Variants in COPB1 observed in about 807,000 individuals in gnomAD.
The protein encoded by COPB1 is coatomer subunit beta.
In COPB1, 21 loss-of-function variants were observed where a neutral mutation model predicts 108.7. The observed-to-expected ratio is 0.19, with a 90% CI of 0.14 to 0.28. COPB1 has a LOEUF of 0.28. COPB1 is among the 10% of genes least tolerant of loss of function. The probability of loss-of-function intolerance (pLI) is 1.00; values close to 1 mark genes in which losing one functional copy is unlikely to be tolerated. For missense variants in COPB1, 919 were observed against 1,141.3 expected (o/e 0.81, Z 2.81); for synonymous variants, 378 against 386.8 (o/e 0.98, Z 0.27).
intron 16 of COPB1, among the ~76,000 whole-genome samples, chr11:14,468,376 C>T (rs554301830): frequency 1.3e-5 from 2 of 152,284 alleles, no homozygotes; most frequent in African/African-American, 4.8e-5. Flanking sequence ...GAGGCCAGGG[C>T]TGTTGCCTGT....
chr11:14,488,979 T>G (rs1850835694), intron 5 of COPB1, among the ~76,000 whole-genome samples: 1 of 152,166 alleles, frequency 6.6e-6, no homozygotes, highest in African/African-American at 2.4e-5. Context: ...AGAACTACAA[T>G]GCTGAAAACA....
intron 15 of COPB1, among the ~76,000 whole-genome samples, chr11:14,469,112 A>C (rs1850349429): frequency 6.6e-6 from 1 of 152,106 alleles, no homozygotes; most frequent in Non-Finnish European, 1.5e-5. Flanking sequence ...CTTCATCCTC[A>C]GCCTTCCAAG....
rs571639542 is a variant in COPB1 at position 14,494,517 on chromosome 11, CA to C, written c.92-79del. ...ATCACATAAATTTAAAAGCAATTAA[CA>C]AAATAAAATGTACCTTCTTACTTCA... On this transcript the variant is annotated intron_variant, in intron 2 of 21. Coordinates refer to ENST00000439561, the MANE Select transcript of COPB1 (RefSeq NM_001144061.2). 3,520 of 853,538 alleles carry C rather than the reference CA, an allele frequency of 4.1e-3. 24 individuals carry two copies. Among genetic ancestry groups the C allele is most frequent in the Non-Finnish European group, 5.5e-3 (3,005 of 550,854 alleles). 52.9% of individuals were successfully genotyped at this position (853,538 alleles called of 1,614,324 possible).
chr11:14,465,218 A>C (rs1319897895), intron 17 of COPB1, among the ~76,000 whole-genome samples, 188 bp from the exon 18 acceptor site: 2 of 152,118 alleles, frequency 1.3e-5, no homozygotes, highest in African/African-American at 2.4e-5. Context: ...AAAATAAAGA[A>C]ACCACTTAAC....
Position 14,474,554 on chromosome 11 carries a change from T to C in COPB1, c.1678A>G (p.Thr560Ala), listed in dbSNP as rs151120842. 9 of 1,613,812 alleles carry C rather than the reference T, an allele frequency of 5.6e-6. No homozygotes were observed. The highest frequency in any genetic ancestry group is 2.2e-5 in the East Asian group (1 of 44,864). ...DFFVAASLAT[T>A]LTKIALRYVA... is the part of the protein sequence containing the mutation. ...TAGCGCAATGCAATCTTGGTCAGAG[T>C]TGTGGCAAGGGAGGCAGCAACAAAG... The change falls in exon 14 of 22, where the codon ACT (threonine) becomes GCT (alanine). Residue 560 changes from threonine (T) to alanine (A), a missense_variant. Thr to Ala is a moderately conservative substitution (Grantham distance 58). Around this residue, in one of 5 missense-constraint regions of COPB1, gnomAD observed 705 missense variants for 817.8 expected, o/e 0.86. Coordinates refer to ENST00000439561, the MANE Select transcript of COPB1 (RefSeq NM_001144061.2).
chr11:14,480,821 C>T lies in COPB1; in HGVS notation c.1150G>A (p.Val384Met), dbSNP rs776068586. ...ACAGAACAGGAATGCAATGTTCGCA[C>T]TAGGAGTTGTCTGTATTTGTCAGTA... ...EDTDKYRQLL[V>M]RTLHSCSVRF... Residue 384 changes from valine to methionine, a missense_variant, in exon 10 of 22, where the codon GTG becomes ATG. Coordinates refer to ENST00000439561, the MANE Select transcript of COPB1 (RefSeq NM_001144061.2). The T allele has an allele frequency of 1.2e-6, 2 of 1,614,050 alleles. No homozygotes were observed. Among genetic ancestry groups the T allele is most frequent in the Admixed American group, 1.7e-5 (1 of 60,018 alleles).
In COPB1 at chr11:14,498,904, A is replaced by G. The variant is rs1351113948; in HGVS notation, c.25T>C (p.Tyr9His). ...TCCATTGGCACGTTAATTAACGTGT[A>G]GCATACGTTCTCAGCCGCCGTCATG... MTAAENVC[Y>H]TLINVPMDSE... Residue 9 changes from tyrosine (Y) to histidine (H), a missense_variant, in exon 2 of 22, where the codon TAC becomes CAC. Tyr to His is a moderately conservative substitution (Grantham distance 83, BLOSUM62 2). Coordinates refer to ENST00000439561, the MANE Select transcript of COPB1 (RefSeq NM_001144061.2). 6.2e-7 allele frequency: 1 copy of G among 1,610,400 alleles called. No individual in the cohort carries two copies. Among genetic ancestry groups the G allele is most frequent in the Non-Finnish European group, 8.5e-7 (1 of 1,179,222 alleles).
chr11:14,458,816 C>G (rs548875912), intron 20 of COPB1, 129 bp from the exon 21 acceptor site: 2 of 826,966 alleles, frequency 2.4e-6, no homozygotes, highest in African/African-American at 3.6e-5. Context: ...CAGCTTGGAG[C>G]TGGAGTGCAG....
At chr11:14,480,632 A>T in intron 10 of COPB1, 127 bp downstream of exon 10, 1 of 832,118 alleles carries the variant, frequency 1.2e-6, no homozygotes. Flanking sequence ...GTAGATATAA[A>T]GATCACTTCT....
rs749285495 is a variant in COPB1 at position 14,461,284 on chromosome 11, T to G, written c.2458A>C (p.Ser820Arg). ...TCCATGATGTCGATGTGAATATCAC[T>G]GAGAACCACACAATTTCTGTCACTT... is the stretch of plus-strand genomic sequence containing the variant. The part of the protein sequence containing the change: ...AASDRNCVVL[S>R]DIHIDIMDYI... The change falls in exon 19 of 22, where the codon AGT (serine) becomes CGT (arginine). Residue 820 changes from serine (S) to arginine (R), a missense_variant. Physicochemically the swap from Ser to Arg is moderately radical, Grantham distance 110. Coordinates refer to ENST00000439561, the MANE Select transcript of COPB1 (RefSeq NM_001144061.2). 1.2e-6 allele frequency: 2 copies of G among 1,614,130 alleles called. No individual in the cohort carries two copies. Among genetic ancestry groups the G allele is most frequent in the Non-Finnish European group, 1.7e-6 (2 of 1,180,018 alleles).
chr11:14,464,850 C>A, intron 18 of COPB1, 61 bp downstream of exon 18: 2 of 1,563,306 alleles, frequency 1.3e-6, no homozygotes, highest in Non-Finnish European at 1.7e-6. Flanking sequence ...CCCAGCTACT[C>A]ACTATAGAAA....
intron 18 of COPB1, among the ~76,000 whole-genome samples, chr11:14,462,212 C>T (rs1265452109): frequency 2.0e-5 from 3 of 149,906 alleles, no homozygotes; most frequent in Non-Finnish European, 4.4e-5. Flanking sequence ...CTACATTCCT[C>T]TTTCTAGGCT....
At chr11:14,481,703 A>G (rs1402113954) in intron 8 of COPB1, among the ~76,000 whole-genome samples, 1 of 152,220 alleles carries the variant, frequency 6.6e-6, no homozygotes, top group Non-Finnish European at 1.5e-5. Context: ...CACACTTAAA[A>G]ACAATTCGAA....
chr11:14,486,389 G>T lies in COPB1; in HGVS notation c.815C>A (p.Ser272Tyr). The part of the protein sequence containing the change: ...YEAAGTLVTL[S>Y]SAPTAIKAAA... ...TACCTTGATTGCAGTTGGTGCACTA[G>T]AGAGTGTCACTAATGTCCCAGCAGC... Residue 272 changes from serine (S) to tyrosine (Y), a missense_variant, in exon 7 of 22, where the codon TCT becomes TAT. By Grantham distance (144) the Ser-to-Tyr change is moderately radical (BLOSUM62 -2). Coordinates refer to ENST00000439561, the MANE Select transcript of COPB1 (RefSeq NM_001144061.2). 2 of 1,614,160 alleles carry T rather than the reference G, an allele frequency of 1.2e-6. No homozygotes were observed. The highest frequency in any genetic ancestry group is 1.7e-6 in the Non-Finnish European group (2 of 1,180,028).
chr11:14,495,360 G>A (rs2597188), intron 2 of COPB1, among the ~76,000 whole-genome samples: 100,941 of 152,006 alleles, frequency 0.66, 33,730 homozygotes, highest in African/African-American at 0.7. Context: ...GCCATTATGA[G>A]GAAAAGAACT....
At chr11:14,461,086 TA>T in intron 19 of COPB1, 99 bp downstream of exon 19, 1 of 1,456,760 alleles carries the variant, frequency 6.9e-7, no homozygotes, top group East Asian at 2.3e-5. Context: ...CTTTTCATGT[TA>T]AACACTTTTT....
chr11:14,484,922 T>C (rs766758990), intron 7 of COPB1, among the ~76,000 whole-genome samples: 2 of 152,188 alleles, frequency 1.3e-5, no homozygotes, highest in African/African-American at 2.4e-5. Flanking sequence ...ATAGTCTTGA[T>C]AGAATAAATT....
At chr11:14,459,967 G>T (rs527823584) in intron 20 of COPB1, 15 of 346,040 alleles carry the variant, frequency 4.3e-5, no homozygotes, top group African/African-American at 3.2e-4. Flanking sequence ...AGATTGAAAA[G>T]AAAATAAAAA....
rs1218735877 is a variant in COPB1 at position 14,488,524 on chromosome 11, G to A, written c.667C>T (p.Leu223=). The A allele has an allele frequency of 2.5e-6, 4 of 1,607,808 alleles. No homozygotes were observed. Among genetic ancestry groups the A allele is most frequent in the Non-Finnish European group, 3.4e-6 (4 of 1,176,284 alleles). ...IDQVQTFGDI[L]QLVIVELIYK... ...ATCAGTTCAACAATAACCAGCTGCA[G>A]AATGTCTCCAAATGTTTGAACTTGA... The change falls in exon 6 of 22, where the codon CTG becomes TTG. Residue 223 remains leucine (L), a synonymous_variant. Transcript: ENST00000439561.
Sources: allele counts gnomAD v4.1 joint callset (sites outside exome capture counted in the v4.1 genomes callset), GRCh38; gene constraint gnomAD v4.1.1; regional missense constraint gnomAD v4.1.1; transcripts MANE v1.5; gene names NCBI Gene and HGNC (gene_info 2026-07-23, HGNC 2026-07-21).